SLFN12: variants seen among roughly 807,000 people sequenced by gnomAD.
SLFN12 encodes the protein ribonuclease SLFN12.
SLFN12 carries 25 observed loss-of-function variants against 29.1 expected under a neutral mutation model. The observed-to-expected ratio is 0.86, with a 90% confidence interval of 0.63 to 1.20. SLFN12 has a LOEUF of 1.20. SLFN12 is among the 50% of genes most tolerant of loss of function. The pLI is 0.00. For synonymous variants in SLFN12, 257 were observed against 238.7 expected, an observed-to-expected ratio of 1.08 and a Z score of -0.71; for missense variants, 660 against 666.2, an observed-to-expected ratio of 0.99 and a Z score of 0.10.
chr17:35,411,509 G>C lies in SLFN12; in HGVS notation c.1566C>G (p.Tyr522Ter). 1.2e-5 allele frequency: 20 copies of C among 1,614,028 alleles called. No homozygotes were observed. The highest frequency in any genetic ancestry group is 1.7e-5 in the Non-Finnish European group (20 of 1,179,992). Residue 522 changes from tyrosine to a stop codon, truncating the protein, a stop_gained, in exon 4 of 4, where the codon TAC becomes TAG. Coordinates refer to ENST00000304905, the MANE Select transcript of SLFN12 (RefSeq NM_018042.5). LOFTEE classifies it low-confidence loss of function (END_TRUNC). ...LRSQVIYPES[Y>*]YFTRRKYLLK... ...GCAAGTATTTCCTTCTTGTAAAATA[G>C]TAGGATTCAGGGTAAATTACTTGCG...
intron 1 of SLFN12, among the ~76,000 whole-genome samples, chr17:35,431,185 C>G (rs1912297194): frequency 6.6e-6 from 1 of 152,090 alleles, no homozygotes; most frequent in East Asian, 1.9e-4. Context: ...TGATTGTCTT[C>G]CCAGGAATAT....
chr17:35,432,564 G>A (rs1456276007), upstream of SLFN12: 1 of 152,166 alleles, frequency 6.6e-6, no homozygotes, highest in East Asian at 1.9e-4. Flanking sequence ...CGCAGAAAGC[G>A]AAGTTACAAA....
intron 3 of SLFN12, among the ~76,000 whole-genome samples, chr17:35,415,595 A>G (rs1911267528): frequency 6.6e-6 from 1 of 152,106 alleles, no homozygotes; most frequent in Non-Finnish European, 1.5e-5. Context: ...GGGAGAAAAT[A>G]TTTGCAACCT....
rs1221456177 is a variant in SLFN12 at position 35,415,711 on chromosome 17, G to C, written c.1148-3784C>G. 2.0e-5 allele frequency among the ~76,000 whole-genome samples: 3 copies of C among 152,024 alleles called. No homozygotes were observed. The East Asian group carries it at 5.8e-4, about 29-fold the overall frequency. On this transcript the variant is annotated intron_variant, in intron 3 of 3. Coordinates refer to ENST00000304905, the MANE Select transcript of SLFN12 (RefSeq NM_018042.5). ...AAAAAGTGGGCAAAGGATATAAATA[G>C]ACAATTCTCAAAAGAAGATATACAA...
chr17:35,419,971 G>A (rs1236644528), intron 3 of SLFN12, among the ~76,000 whole-genome samples: 1 of 152,166 alleles, frequency 6.6e-6, no homozygotes, highest in Non-Finnish European at 1.5e-5. Flanking sequence ...TATGCCTGAA[G>A]GTGGGCCTCA....
At chr17:35,429,366 T>C (rs1912186500) in intron 1 of SLFN12, among the ~76,000 whole-genome samples, 2 of 152,066 alleles carry the variant, frequency 1.3e-5, no homozygotes, top group Admixed American at 1.3e-4. Context: ...TTTCCATAGT[T>C]GAAAATCACT....
rs992182135 is a variant in SLFN12, at chr17:35,422,760, A to G, written c.269T>C (p.Val90Ala). 1.9e-6 allele frequency: 3 copies of G among 1,614,044 alleles called. No homozygotes were observed. Among genetic ancestry groups the G allele is most frequent in the Non-Finnish European group, 2.5e-6 (3 of 1,179,924 alleles). Residue 90 changes from valine to alanine, a missense_variant, in exon 2 of 4, where the codon GTT becomes GCT. Physicochemically the swap from Val to Ala is moderately conservative, Grantham distance 64. Transcript: ENST00000304905. Reference sequence around the variant, plus strand: ...CTGCATGAAGTCTAAGTACTCAGGAACAAATAACAGAATGTTACTAAAAGA... The same window carrying G: ...CTGCATGAAGTCTAAGTACTCAGGAGCAAATAACAGAATGTTACTAAAAGA... ...ENSFSNILLF[V>A]PEYLDFMQNG...
At position 35,432,315 on chromosome 17, in the gene SLFN12, T is replaced by C. The variant is rs1031712428; in HGVS notation, c.-168A>G. The C allele has an allele frequency of 1.3e-5, 2 of 152,230 alleles. No individual in the cohort carries two copies. The highest frequency in any genetic ancestry group is 6.5e-5 in the Admixed American group (1 of 15,274). 9.4% of individuals were successfully genotyped at this position (152,230 alleles called of 1,614,324 possible). ...ATGAAGCAACAAAAGCAGAGATTTA[T>C]TGAAAACGAAAGTGCACTCCACAGG... On this transcript the variant is annotated 5_prime_UTR_variant, in exon 1 of 4. Coordinates refer to ENST00000304905, the MANE Select transcript of SLFN12 (RefSeq NM_018042.5).
chr17:35,421,115 A>T (rs558170117), intron 2 of SLFN12, among the ~76,000 whole-genome samples: 211 of 151,900 alleles, frequency 1.4e-3, no homozygotes, highest in South Asian at 2.3e-3. Flanking sequence ...AGGCTGAGGC[A>T]GGAGAATCGC....
At chr17:35,414,598 T>C (rs1381093095) in intron 3 of SLFN12, among the ~76,000 whole-genome samples, 2 of 151,906 alleles carry the variant, frequency 1.3e-5, no homozygotes, top group African/African-American at 4.8e-5. Context: ...CACAGAAAAA[T>C]GACTGTATAC....
intron 3 of SLFN12, among the ~76,000 whole-genome samples, chr17:35,415,902 C>T (rs912166966): frequency 1.3e-5 from 2 of 152,114 alleles, no homozygotes; most frequent in Admixed American, 1.3e-4. Flanking sequence ...TTTTATACTG[C>T]TGGTGTGAAT....
intron 1 of SLFN12, among the ~76,000 whole-genome samples, chr17:35,429,125 A>C (rs1912170581): frequency 6.6e-6 from 1 of 152,048 alleles, no homozygotes; most frequent in Admixed American, 6.5e-5. Context: ...ACCTTTCTGC[A>C]CTGTCTACAT....
At chr17:35,425,018 T>G (rs1247168569) in intron 1 of SLFN12, among the ~76,000 whole-genome samples, 1 of 152,084 alleles carries the variant, frequency 6.6e-6, no homozygotes, top group Non-Finnish European at 1.5e-5. Context: ...CCCAGCACAG[T>G]GGCTCATGCC....
In SLFN12 at chr17:35,411,802, A is replaced by G. The variant is rs983862274; in HGVS notation, c.1273T>C (p.Ser425Pro). 1.2e-6 allele frequency: 2 copies of G among 1,613,948 alleles called. No homozygotes were observed. Among genetic ancestry groups the G allele is most frequent in the Non-Finnish European group, 1.7e-6 (2 of 1,180,012 alleles). Residue 425 changes from serine (S) to proline (P), a missense_variant, in exon 4 of 4, where the codon TCT becomes CCT. By Grantham distance (74) the Ser-to-Pro change is moderately conservative. Transcript: ENST00000304905. ...CCCAGATCCACAGACCAGCTCCTAG[A>G]GAAGATCAGTGAGCCCTTTCTGACA... The part of the protein sequence containing the change: ...DSVRKGSLIF[S>P]RSWSVDLGLQ...
At chr17:35,420,488 CA>C (rs1004940645) in intron 2 of SLFN12, 107 bp from the exon 3 acceptor site, 470 of 664,914 alleles carry the variant, frequency 7.1e-4, no homozygotes, top group South Asian at 1.4e-3. Flanking sequence ...TTCTGTTTTC[CA>C]AAAAAAAATT....
intron 2 of SLFN12, 175 bp from the exon 3 acceptor site, chr17:35,420,556 T>C: frequency 2.1e-6 from 1 of 480,152 alleles, no homozygotes; most frequent in Non-Finnish European, 3.7e-6. Flanking sequence ...AAATTAACTT[T>C]TGATGCCACT....
upstream of SLFN12, chr17:35,433,140 G>A (rs1056399147): frequency 1.3e-5 from 2 of 152,150 alleles, no homozygotes; most frequent in East Asian, 1.9e-4. Context: ...TACAGTCCGC[G>A]GGCTCACTCT....
At chr17:35,415,383 A>T (rs940324768) in intron 3 of SLFN12, among the ~76,000 whole-genome samples, 1 of 152,134 alleles carries the variant, frequency 6.6e-6, no homozygotes, top group Non-Finnish European at 1.5e-5. Flanking sequence ...TCAAAGACTT[A>T]AATCTAAGAC....
At chr17:35,417,949 T>C (rs1911413754) in intron 3 of SLFN12, among the ~76,000 whole-genome samples, 1 of 152,022 alleles carries the variant, frequency 6.6e-6, no homozygotes, top group South Asian at 2.1e-4. Context: ...TATGAAACTA[T>C]AAAGGCATTA....
Sources: gnomAD v4.1 joint callset for allele counts (sites outside exome capture counted in the v4.1 genomes callset) on GRCh38, gnomAD v4.1.1 for gene constraint, MANE v1.5 for transcripts, NCBI Gene and HGNC (gene_info 2026-07-23, HGNC 2026-07-21) for gene names.